The following CYTH3 variants were observed in gnomAD, a reference collection of about 807,000 sequenced individuals.
CYTH3 encodes the protein cytohesin-3.
Under a neutral mutation model 55.1 loss-of-function variants are expected in CYTH3, and 23 were observed. That is an observed-to-expected ratio of 0.42 (90% CI 0.30 to 0.59). CYTH3 has a LOEUF of 0.59. Ranked by LOEUF, CYTH3 falls within the 20% of genes least tolerant of loss-of-function variation. The pLI is 0.20. For synonymous variants in CYTH3, 249 were observed against 194.9 expected, an observed-to-expected ratio of 1.28 and a Z score of -2.31; for missense variants, 413 against 524.8, an observed-to-expected ratio of 0.79 and a Z score of 2.08.
rs557600633 is a variant in CYTH3 at position 6,163,166 on chromosome 7, G to A, written c.*1778C>T. ...GCCTCGGACCCCTCTGCAGTCTAGT[G>A]TGACTTAAAGCTACATCAAGGTCAG... On this transcript the variant is annotated 3_prime_UTR_variant, in exon 13 of 13. Transcript: ENST00000350796. 1 of 152,776 alleles carries A rather than the reference G, an allele frequency of 6.5e-6. No individual in the cohort carries two copies. The highest frequency in any genetic ancestry group is 1.9e-4 in the East Asian group (1 of 5,184). The allele number at this position is 152,776 out of a possible 1,614,324, so 9.5% of individuals were successfully genotyped here.
At chr7:6,168,146 G>A (rs1435912378) in intron 9 of CYTH3, among the ~76,000 whole-genome samples, 1 of 152,120 alleles carries the variant, frequency 6.6e-6, no homozygotes, top group African/African-American at 2.4e-5. Context: ...TAGCAGGCAG[G>A]CGCGTACGTG....
At chr7:6,182,394 G>C (rs1180705307) in intron 4 of CYTH3, among the ~76,000 whole-genome samples, 1 of 152,164 alleles carries the variant, frequency 6.6e-6, no homozygotes, top group Non-Finnish European at 1.5e-5. Context: ...TGTTGCCCAG[G>C]CTAGAGTGCA....
intron 1 of CYTH3, among the ~76,000 whole-genome samples, chr7:6,248,543 C>T (rs1281041450): frequency 6.6e-6 from 1 of 152,182 alleles, no homozygotes; most frequent in African/African-American, 2.4e-5. Context: ...GGAAGGAGGA[C>T]TGTGGCGCCC....
intron 2 of CYTH3, among the ~76,000 whole-genome samples, 164 bp downstream of exon 2, chr7:6,190,285 T>C (rs1203577297): frequency 1.3e-5 from 2 of 152,044 alleles, no homozygotes; most frequent in African/African-American, 2.4e-5. Context: ...CTCTGTCTCT[T>C]TGTGTAGTTC....
At chr7:6,191,079 GA>G (rs528867860) in intron 1 of CYTH3, among the ~76,000 whole-genome samples, 85 of 142,570 alleles carry the variant, frequency 6.0e-4, no homozygotes, top group African/African-American at 1.0e-3. Context: ...TCTGTTTCGG[GA>G]AAAAAAAAAA....
intron 1 of CYTH3, among the ~76,000 whole-genome samples, chr7:6,248,240 C>T (rs548925057): frequency 2.7e-5 from 4 of 150,162 alleles, no homozygotes; most frequent in South Asian, 2.1e-4. Flanking sequence ...CCCAACCCCC[C>T]CCCAGCCAAA....
rs1304973582 is a variant in CYTH3 at position 6,172,880 on chromosome 7, C to A, written c.449+773G>T. 3 of 1,252,772 alleles carry A rather than the reference C, an allele frequency of 2.4e-6. No individual in the cohort carries two copies. In the South Asian group the frequency reaches 3.9e-5, roughly 16 times the overall value. The allele number at this position is 1,252,772 out of a possible 1,614,324, so 77.6% of individuals were successfully genotyped here. A position where few individuals can be genotyped will look rare whatever the true frequency, so the allele number is the denominator to read the frequency against. ...TGAGCACAACATCACGAGGGTCCCA[C>A]AAAAACGCTGCCAACATTGCAGTCT... On this transcript the variant is annotated intron_variant, in intron 6 of 12. Transcript: ENST00000350796.
At position 6,272,501 on chromosome 7, in the gene CYTH3, C is replaced by G. The variant is rs1780693706; in HGVS notation, c.7G>C (p.Glu3Gln). The G allele has an allele frequency of 4.4e-6, 6 of 1,351,018 alleles. No homozygotes were observed. In the East Asian group the frequency reaches 2.2e-4, roughly 50 times the overall value. 83.7% of individuals were successfully genotyped at this position (1,351,018 alleles called of 1,614,324 possible). A position where few individuals can be genotyped will look rare whatever the true frequency, so the allele number is the denominator to read the frequency against. MDEDGGGEGGGVP... is the reference protein window; with the variant it reads MDQDGGGEGGGVP... ...CCACCACCCTCGCCGCCGCCGTCTT[C>G]ATCCATCTTGAGGCCACTCCCGCAG... The change falls in exon 1 of 13, where the codon GAA (glutamate) becomes CAA (glutamine). Residue 3 changes from glutamate (E) to glutamine (Q), a missense_variant. Physicochemically the swap from Glu to Gln is conservative, Grantham distance 29 (BLOSUM62 2). Coordinates refer to ENST00000350796, the MANE Select transcript of CYTH3 (RefSeq NM_004227.4).
Position 6,169,499 on chromosome 7 carries a change from C to T in CYTH3, c.823+1036G>A, listed in dbSNP as rs748587335. ...GCACTAGGATTACACACATGAGCCA[C>T]TGCACCCGGCTGATAAAATTTTTAA... On this transcript the variant is annotated intron_variant, in intron 9 of 12. Transcript: ENST00000350796. This position sits in a 1 kb window ranked among gnomAD's most constrained non-coding sequence, Gnocchi z 4.1. 2.6e-5 allele frequency among the ~76,000 whole-genome samples: 4 copies of T among 152,164 alleles called. No homozygotes were observed. The highest frequency in any genetic ancestry group is 5.9e-5 in the Non-Finnish European group (4 of 68,042).
chr7:6,212,034 T>C (rs898419703), intron 1 of CYTH3, among the ~76,000 whole-genome samples: 5 of 152,144 alleles, frequency 3.3e-5, no homozygotes, highest in African/African-American at 4.8e-5. Context: ...TTATTCATTC[T>C]TTCTAACTAA....
At chr7:6,223,401 A>G (rs1459574940) in intron 1 of CYTH3, among the ~76,000 whole-genome samples, 1 of 152,220 alleles carries the variant, frequency 6.6e-6, no homozygotes, top group African/African-American at 2.4e-5. Context: ...AAAGGGGGAA[A>G]TGTGGGGAAA....
intron 4 of CYTH3, among the ~76,000 whole-genome samples, chr7:6,183,814 G>C (rs944284698): frequency 6.6e-6 from 1 of 151,506 alleles, no homozygotes; most frequent in Admixed American, 6.6e-5. Context: ...GAGGTAATCA[G>C]TGTTACATGA....
At chr7:6,184,513 C>T (rs972119982) in intron 4 of CYTH3, among the ~76,000 whole-genome samples, 14 of 152,170 alleles carry the variant, frequency 9.2e-5, no homozygotes, top group African/African-American at 3.4e-4. Context: ...GAGAGGGCTT[C>T]ATAGGCATGA....
At chr7:6,261,731 C>T (rs908096707) in intron 1 of CYTH3, among the ~76,000 whole-genome samples, 1 of 149,508 alleles carries the variant, frequency 6.7e-6, no homozygotes, top group Non-Finnish European at 1.5e-5. Flanking sequence ...AAGTGATATT[C>T]CCTTACTTTA....
chr7:6,234,626 G>A (rs938252317), intron 1 of CYTH3, among the ~76,000 whole-genome samples: 2 of 152,160 alleles, frequency 1.3e-5, no homozygotes. Flanking sequence ...AGCCCCTGGG[G>A]ACCCGGTGAC....
chr7:6,173,880 G>A, intron 5 of CYTH3, 147 bp from the exon 6 acceptor site: 2 of 627,828 alleles, frequency 3.2e-6, no homozygotes, highest in South Asian at 1.8e-5. Context: ...ATTTTTTGTA[G>A]AGGCAGGGCT....
intron 1 of CYTH3, among the ~76,000 whole-genome samples, chr7:6,261,593 G>A (rs952307958): frequency 3.4e-5 from 5 of 147,288 alleles, no homozygotes; most frequent in African/African-American, 1.0e-4. Context: ...GCATGTGCCT[G>A]TAGTCCCAGC....
In CYTH3 at chr7:6,178,476, G is replaced by A. The variant is rs1031876358; in HGVS notation, c.250-535C>T. Reference sequence around the variant, plus strand: ...GGCCAGACAGAAAGGCAAGCCTGGAGGGAAAGTTTTTGATTTCCTGGTAAA... The same window carrying A: ...GGCCAGACAGAAAGGCAAGCCTGGAAGGAAAGTTTTTGATTTCCTGGTAAA... On this transcript the variant is annotated intron_variant, in intron 4 of 12. Transcript: ENST00000350796. Among the ~76,000 whole-genome samples the A allele has an allele frequency of 2.6e-5, 4 of 152,218 alleles. No individual in the cohort carries two copies. In the South Asian group the frequency reaches 6.2e-4, roughly 24 times the overall value.
Position 6,171,869 on chromosome 7 carries a change from G to A in CYTH3, c.450-555C>T, listed in dbSNP as rs1783208277. 2 of 154,862 alleles carry A rather than the reference G, an allele frequency of 1.3e-5. No individual in the cohort carries two copies. Among genetic ancestry groups the A allele is most frequent in the Admixed American group, 1.3e-4 (2 of 15,886 alleles). 9.6% of individuals were successfully genotyped at this position (154,862 alleles called of 1,614,324 possible). On this transcript the variant is annotated intron_variant, in intron 6 of 12. Coordinates refer to ENST00000350796, the MANE Select transcript of CYTH3 (RefSeq NM_004227.4). This position sits in a 1 kb window ranked among gnomAD's most constrained non-coding sequence, Gnocchi z 6.7. The stretch of plus-strand genomic sequence containing the variant: ...CCCTCAGGCATCCCCTCTGGCTGAG[G>A]TCTCCCTGGCTGCCCTGCCTGTAAT...
Sources: gnomAD v4.1 joint callset for allele counts (sites outside exome capture counted in the v4.1 genomes callset) on GRCh38, gnomAD v4.1.1 for gene constraint, Gnocchi (gnomAD v3.1) non-coding constraint, MANE v1.5 for transcripts, NCBI Gene and HGNC (gene_info 2026-07-23, HGNC 2026-07-21) for gene names.